Variants in PRKDC observed in about 807,000 individuals in gnomAD.
PRKDC encodes the protein DNA-dependent protein kinase catalytic subunit.
A neutral mutation model predicts 486.9 loss-of-function variants in PRKDC; 82 were observed. The ratio of observed to expected loss-of-function variants is 0.17; its 90% CI spans 0.14 to 0.20. The LOEUF is 0.20. Ranked by LOEUF, PRKDC falls within the 10% of genes least tolerant of loss-of-function variation. The pLI is 1.00. For missense variants in PRKDC, 4,504 were observed against 5,038.2 expected (o/e 0.89, Z 3.21); for synonymous variants, 1,895 against 1,837.0 (o/e 1.03, Z -0.81).
Position 47,849,063 on chromosome 8 carries a change from A to T in PRKDC, c.7280+91T>A. 3 of 1,469,662 alleles carry T rather than the reference A, an allele frequency of 2.0e-6. No homozygotes were observed. The South Asian group carries it at 4.0e-5, about 20-fold the overall frequency. The allele number at this position is 1,469,662 out of a possible 1,614,324, so 91.0% of individuals were successfully genotyped here. The stretch of plus-strand genomic sequence containing the variant: ...CTTCACAAATGTGTATATCATGGAA[A>T]CCCACAGGTTCTTCTTGAGTTGGAG... On this transcript the variant is annotated intron_variant, in intron 54 of 85. Coordinates refer to ENST00000314191, the MANE Select transcript of PRKDC (RefSeq NM_006904.7).
chr8:47,877,608 A>T, intron 40 of PRKDC, 116 bp downstream of exon 40: 1 of 1,096,426 alleles, frequency 9.1e-7, no homozygotes. Flanking sequence ...AACTAAAATA[A>T]AGTTTAGTAG....
At chr8:47,860,485 T>A (rs539937341) in intron 45 of PRKDC, among the ~76,000 whole-genome samples, 41 of 152,308 alleles carry the variant, frequency 2.7e-4, no homozygotes, top group African/African-American at 8.7e-4. Flanking sequence ...AGCTCTGTCC[T>A]GCCGGAGATG....
At chr8:47,930,561 C>T (rs1319967958) in intron 17 of PRKDC, 111 bp downstream of exon 17, 13 of 1,151,792 alleles carry the variant, frequency 1.1e-5, no homozygotes, top group South Asian at 3.0e-5. Context: ...CGTGAGCCAC[C>T]GAACCCGGCC....
chr8:47,900,851 A>G (rs944501939), intron 27 of PRKDC, among the ~76,000 whole-genome samples: 13 of 151,732 alleles, frequency 8.6e-5, no homozygotes, highest in African/African-American at 3.1e-4. Flanking sequence ...TCCAGCTCAA[A>G]AAAAAAAAAA....
intron 68 of PRKDC, among the ~76,000 whole-genome samples, chr8:47,815,333 G>C (rs74337706): frequency 0.035 from 5,293 of 152,314 alleles, 147 homozygotes; most frequent in Middle Eastern, 0.068. Context: ...ACTCAATTAT[G>C]AAAGACTTTT....
chr8:47,851,268 T>C (rs1197426385), intron 52 of PRKDC, among the ~76,000 whole-genome samples: 1 of 152,264 alleles, frequency 6.6e-6, no homozygotes, highest in Non-Finnish European at 1.5e-5. Context: ...TGCTGTAACC[T>C]GCTCCATTTA....
chr8:47,917,760 C>T (rs2090009214), intron 22 of PRKDC, among the ~76,000 whole-genome samples: 1 of 152,106 alleles, frequency 6.6e-6, no homozygotes, highest in African/African-American at 2.4e-5. Context: ...TTATTATCCA[C>T]TAAATACATT....
At chr8:47,793,581 C>T (rs1206460283) in intron 74 of PRKDC, among the ~76,000 whole-genome samples, 1 of 148,816 alleles carries the variant, frequency 6.7e-6, no homozygotes, top group Non-Finnish European at 1.5e-5. Context: ...GTGGAGGTTG[C>T]AGCCGAGATT....
chr8:47,840,553 T>C (rs370644523), intron 54 of PRKDC, among the ~76,000 whole-genome samples: 20 of 152,370 alleles, frequency 1.3e-4, no homozygotes, highest in African/African-American at 4.3e-4. Context: ...ATGGAAATTA[T>C]GTGTACTATC....
chr8:47,789,407 T>C (rs1306205285), intron 74 of PRKDC, among the ~76,000 whole-genome samples, 169 bp from the exon 75 acceptor site: 1 of 151,290 alleles, frequency 6.6e-6, no homozygotes, highest in African/African-American at 2.4e-5. Context: ...ACCAACTACA[T>C]AGTAATTTAA....
chr8:47,945,375 A>G (rs980903046), intron 7 of PRKDC, among the ~76,000 whole-genome samples: 2 of 152,358 alleles, frequency 1.3e-5, no homozygotes, highest in East Asian at 1.9e-4. Flanking sequence ...TTCACCATCA[A>G]TAACAGAAGG....
chr8:47,902,457 C>A, intron 27 of PRKDC, 112 bp downstream of exon 27: 1 of 723,096 alleles, frequency 1.4e-6, no homozygotes, highest in East Asian at 3.0e-5. Context: ...CAGCATCCAG[C>A]ACATAATTAC....
In PRKDC at chr8:47,900,444, T is replaced by A; in HGVS notation, c.3293A>T (p.Gln1098Leu). 6.2e-7 allele frequency: 1 copy of A among 1,610,548 alleles called. No homozygotes were observed. Among genetic ancestry groups the A allele is most frequent in the Non-Finnish European group, 8.5e-7 (1 of 1,178,496 alleles). ...EFREEESLVE[Q>L]FVFEALVIYM... ...TATCACCAAGGCTTCAAACACAAAC[T>A]GTTCCACCAGAGACTCTTCTTCCCT... The change falls in exon 28 of 86, where the codon CAG becomes CTG. Residue 1098 changes from glutamine to leucine, a missense_variant. Physicochemically the swap from Gln to Leu is moderately radical, Grantham distance 113 (BLOSUM62 -2). Around this residue, in one of 6 missense-constraint regions of PRKDC, gnomAD observed 1,969 missense variants for 2,068.9 expected, o/e 0.95. Transcript: ENST00000314191.
intron 72 of PRKDC, among the ~76,000 whole-genome samples, chr8:47,798,692 C>A (rs1000117768): frequency 1.3e-5 from 2 of 151,978 alleles, no homozygotes; most frequent in Non-Finnish European, 2.9e-5. Context: ...GCAGGCCACA[C>A]GAGCCAGTAA....
chr8:47,913,371 A>G (rs567845796), intron 24 of PRKDC, among the ~76,000 whole-genome samples: 4 of 152,090 alleles, frequency 2.6e-5, no homozygotes, highest in Non-Finnish European at 5.9e-5. Context: ...TATAATGAAG[A>G]GCTTTTGGTA....
chr8:47,927,914 T>C (rs1462428218), intron 19 of PRKDC, 24 bp from the exon 20 acceptor site: 6 of 1,502,426 alleles, frequency 4.0e-6, no homozygotes, highest in Non-Finnish European at 5.3e-6. Context: ...AAGACAGTAA[T>C]GTATATCTGA....
chr8:47,902,180 CACTA>C (rs1179286473), intron 27 of PRKDC, among the ~76,000 whole-genome samples: 1 of 152,152 alleles, frequency 6.6e-6, no homozygotes, highest in Non-Finnish European at 1.5e-5. Context: ...CCCCACCACC[CACTA>C]ACTTTGATCT....
chr8:47,949,885 A>C (rs2090599550), intron 7 of PRKDC, among the ~76,000 whole-genome samples: 1 of 152,266 alleles, frequency 6.6e-6, no homozygotes, highest in South Asian at 2.1e-4. Flanking sequence ...ATAGGTTAAA[A>C]AAAAATCATT....
chr8:47,804,296 C>CTTTT (rs767946033), intron 69 of PRKDC, among the ~76,000 whole-genome samples: 1 of 135,930 alleles, frequency 7.4e-6, no homozygotes, highest in African/African-American at 2.7e-5. Flanking sequence ...GGACATGCCA[C>CTTTT]TTTTTTTTTT....
Sources: allele counts gnomAD v4.1 joint callset (sites outside exome capture counted in the v4.1 genomes callset), GRCh38; gene constraint gnomAD v4.1.1; regional missense constraint gnomAD v4.1.1; transcripts MANE v1.5; gene names NCBI Gene and HGNC (gene_info 2026-07-23, HGNC 2026-07-21).